AXL: variants seen among roughly 807,000 people sequenced by gnomAD.
AXL encodes the protein AXL receptor tyrosine kinase.
Under a neutral mutation model 104.5 loss-of-function variants are expected in AXL, and 52 were observed. The observed-to-expected ratio is 0.50, with a 90% CI of 0.40 to 0.63. AXL has a LOEUF of 0.63. Among genes scored for constraint, AXL ranks in the 20% least tolerant of loss-of-function variants. The pLI, the probability that AXL is intolerant of heterozygous loss-of-function variation, is 0.00. For synonymous variants in AXL, 455 were observed against 473.7 expected, an observed-to-expected ratio of 0.96 and a Z score of 0.51; for missense variants, 1,024 against 1,188.5, an observed-to-expected ratio of 0.86 and a Z score of 2.04.
intron 17 of AXL, 77 bp from the exon 18 acceptor site, chr19:41,256,375 G>A: frequency 1.3e-6 from 2 of 1,539,406 alleles, no homozygotes; most frequent in Non-Finnish European, 8.9e-7. Flanking sequence ...AGGTGCAGAT[G>A]TGTCTGAGAG....
At chr19:41,248,703 G>C (rs778560247) in intron 13 of AXL, 40 bp from the exon 14 acceptor site, 1 of 1,612,872 alleles carries the variant, frequency 6.2e-7, no homozygotes, top group Admixed American at 1.7e-5. Context: ...CAGTCCCCAC[G>C]GGCCCTCTGA....
intron 4 of AXL, among the ~76,000 whole-genome samples, chr19:41,228,865 A>G (rs1419801045): frequency 6.6e-6 from 1 of 152,224 alleles, no homozygotes; most frequent in African/African-American, 2.4e-5. Flanking sequence ...AGGAAAAGTA[A>G]AGCGGGAAGG....
chr19:41,248,457 T>A, intron 12 of AXL, 57 bp from the exon 13 acceptor site: 1 of 1,524,386 alleles, frequency 6.6e-7, no homozygotes, highest in African/African-American at 1.4e-5. Flanking sequence ...GGTGGGTGAA[T>A]GTCACCTGAA....
chr19:41,248,419 G>T (rs2034305481), intron 12 of AXL, 95 bp from the exon 13 acceptor site: 3 of 1,193,200 alleles, frequency 2.5e-6, no homozygotes, highest in Non-Finnish European at 3.7e-6. Flanking sequence ...AAGTATGTCA[G>T]TGTTTCAACA....
At chr19:41,232,173 C>T (rs181847801) in intron 6 of AXL, among the ~76,000 whole-genome samples, 1 of 152,270 alleles carries the variant, frequency 6.6e-6, no homozygotes, top group Non-Finnish European at 1.5e-5. Flanking sequence ...TGAGCTCTGA[C>T]AGGGCAGGGC....
At chr19:41,251,993 G>C (rs2034370903) in intron 14 of AXL, among the ~76,000 whole-genome samples, 1 of 150,276 alleles carries the variant, frequency 6.7e-6, no homozygotes, top group Non-Finnish European at 1.5e-5. Context: ...CACGCCTGTA[G>C]TCCCAGCTAC....
In AXL at chr19:41,219,310, G is replaced by A; in HGVS notation, c.-83G>A. On this transcript the variant is annotated 5_prime_UTR_variant, in exon 1 of 20. Transcript: ENST00000301178. The stretch of plus-strand genomic sequence containing the variant: ...CAGTGCCAAATCCGGGGAGCCTGGA[G>A]CTGGGGGGAGGGCCGGGGACAGCCC... 7.3e-7 allele frequency: 1 copy of A among 1,361,190 alleles called. No individual in the cohort carries two copies. Among genetic ancestry groups the A allele is most frequent in the Non-Finnish European group, 1.0e-6 (1 of 1,003,492 alleles). 84.3% of individuals were successfully genotyped at this position (1,361,190 alleles called of 1,614,324 possible). A position where few individuals can be genotyped will look rare whatever the true frequency, so the allele number is the denominator to read the frequency against.
rs869213717 is a variant in AXL, at chr19:41,260,298, C to CTTTTTTTTTTTTTTTTTTTTT, written c.*405_*425dup. ...TAAAGTGCTAAGGTTCTAAGGCCTA[C>CTTTTTTTTTTTTTTTTTTTTT]TTTTTTTTTTTTTTTTTTTTTTTTT... On this transcript the variant is annotated 3_prime_UTR_variant, in exon 20 of 20. Transcript: ENST00000301178. The CTTTTTTTTTTTTTTTTTTTTT allele has an allele frequency of 2.7e-4, 13 of 48,576 alleles. 2 individuals are homozygous for CTTTTTTTTTTTTTTTTTTTTT. The highest frequency in any genetic ancestry group is 1.0e-3 in the African/African-American group (12 of 11,744). The allele number at this position is 48,576 out of a possible 1,614,324, so 3.0% of individuals were successfully genotyped here.
chr19:41,238,601 A>C lies in AXL; in HGVS notation c.1126A>C (p.Thr376Pro). ...CCGGCTGGCGTATCAAGGCCAGGAC[A>C]CCCCAGAGGTGGGTGCTGCTGGTGG... is the stretch of plus-strand genomic sequence containing the variant. Reference protein sequence around the residue: ...GYRLAYQGQDTPEVLMDIGLR... With the variant: ...GYRLAYQGQDPPEVLMDIGLR... The change falls in exon 8 of 20, where the codon ACC (threonine) becomes CCC (proline). Residue 376 changes from threonine (T) to proline (P), a missense_variant. Coordinates refer to ENST00000301178, the MANE Select transcript of AXL (RefSeq NM_021913.5). 6.2e-7 allele frequency: 1 copy of C among 1,606,208 alleles called. No individual in the cohort carries two copies. Among genetic ancestry groups the C allele is most frequent in the Non-Finnish European group, 8.5e-7 (1 of 1,174,422 alleles).
Position 41,259,973 on chromosome 19 carries a change from T to A in AXL, c.*69T>A. ...CACTGCCACTGGGGAAAACTCCACCTTCCCACTTTCCCACCCCACGCCTTA... is the reference window on the plus strand; with the variant it reads ...CACTGCCACTGGGGAAAACTCCACCATCCCACTTTCCCACCCCACGCCTTA... On this transcript the variant is annotated 3_prime_UTR_variant, in exon 20 of 20. Transcript: ENST00000301178. The A allele has an allele frequency of 3.0e-6, 4 of 1,346,068 alleles. No homozygotes were observed. The highest frequency in any genetic ancestry group is 4.0e-6 in the Non-Finnish European group (4 of 997,168). The allele number at this position is 1,346,068 out of a possible 1,614,324, so 83.4% of individuals were successfully genotyped here.
At chr19:41,238,710 A>G in intron 8 of AXL, 101 bp downstream of exon 8, 4 of 1,439,180 alleles carry the variant, frequency 2.8e-6, no homozygotes, top group South Asian at 1.5e-5. Flanking sequence ...GTAGTACACA[A>G]TTGCTCTATG....
At chr19:41,228,272 G>A (rs999394284) in intron 4 of AXL, among the ~76,000 whole-genome samples, 1 of 152,156 alleles carries the variant, frequency 6.6e-6, no homozygotes, top group Admixed American at 6.6e-5. Flanking sequence ...GTTACTCAAG[G>A]CCGGGCACGG....
rs779585650 is a variant in AXL at position 41,259,718 on chromosome 19, C to A, written c.2499C>A (p.Pro833=). ...ATGAGGGTGGAGGTTATCCTGAACC[C>A]CCTGGAGCTGCAGGAGGAGCTGACC... ...NMDEGGGYPE[P]PGAAGGADPP... The change falls in exon 20 of 20, where the codon CCC becomes CCA. Residue 833 remains proline (P), a synonymous_variant. Transcript: ENST00000301178. 2 of 1,614,114 alleles carry A rather than the reference C, an allele frequency of 1.2e-6. No homozygotes were observed. Among genetic ancestry groups the A allele is most frequent in the African/African-American group, 1.3e-5 (1 of 75,010 alleles).
chr19:41,243,056 G>A (rs1413546711), intron 11 of AXL, 41 bp downstream of exon 11: 1 of 1,613,264 alleles, frequency 6.2e-7, no homozygotes, highest in Non-Finnish European at 8.5e-7. Context: ...GGCCTGGGAT[G>A]GAGAGGCTGG....
chr19:41,241,543 C>CAAAAAAAAAAAAA (rs11457010), intron 10 of AXL, among the ~76,000 whole-genome samples: 1 of 67,082 alleles, frequency 1.5e-5, no homozygotes. Context: ...GACTCTGTCT[C>CAAAAAAAAAAAAA]AAAAAAAAAA....
rs921453245 is a variant in AXL at position 41,253,367 on chromosome 19, A to G, written c.1927-232A>G. 7.9e-5 allele frequency among the ~76,000 whole-genome samples: 12 copies of G among 152,278 alleles called. No individual in the cohort carries two copies. In the South Asian group the frequency reaches 1.2e-3, roughly 16 times the overall value. On this transcript the variant is annotated intron_variant, in intron 16 of 19. Transcript: ENST00000301178. ...ATCATCGTTTGTCTGAAGACCAGAC[A>G]GGAGTCTGGTGGGAGTGTCAGTCAA...
chr19:41,238,644 T>C (rs1333449189), intron 8 of AXL, 35 bp downstream of exon 8: 1 of 1,583,958 alleles, frequency 6.3e-7, no homozygotes, highest in Admixed American at 1.8e-5. Flanking sequence ...GTGGAGTGGC[T>C]TGGGGAGGAG....
rs2033800793 is a variant in AXL at position 41,222,047 on chromosome 19, C to A, written c.577C>A (p.His193Asn). Residue 193 changes from histidine (H) to asparagine (N), a missense_variant, in exon 4 of 20, where the codon CAT becomes AAT. By Grantham distance (68) the His-to-Asn change is moderately conservative. Transcript: ENST00000301178. ...APGHGPQRSL[H>N]VPGLNKTSSF... is the part of the protein sequence containing the mutation. ...AGGTCACGGCCCCCAGCGCAGCCTGCATGTTCCAGGTGAGTCCGGGGATGT... is the reference window on the plus strand; with the variant it reads ...AGGTCACGGCCCCCAGCGCAGCCTGAATGTTCCAGGTGAGTCCGGGGATGT... The A allele has an allele frequency of 6.4e-7, 1 of 1,574,424 alleles. No homozygotes were observed.
intron 12 of AXL, 25 bp from the exon 13 acceptor site, chr19:41,248,489 C>G: frequency 6.2e-7 from 1 of 1,612,072 alleles, no homozygotes; most frequent in African/African-American, 1.3e-5. Flanking sequence ...CTCCATGACT[C>G]TGTCCACCCC....
Sources: gnomAD v4.1 joint callset for allele counts (sites outside exome capture counted in the v4.1 genomes callset) on GRCh38, gnomAD v4.1.1 for gene constraint, MANE v1.5 for transcripts, NCBI Gene and HGNC (gene_info 2026-07-23, HGNC 2026-07-21) for gene names.